The following AGBL1 variants were observed in gnomAD, a reference collection of about 807,000 sequenced individuals.
AGBL1 encodes cytosolic carboxypeptidase 4.
A neutral mutation model predicts 118.9 loss-of-function variants in AGBL1; 130 were observed. The observed-to-expected ratio is 1.09, with a 90% CI of 0.95 to 1.26. The LOEUF is 1.26. Among genes scored for constraint, AGBL1 ranks in the 50% most tolerant of loss-of-function variants. AGBL1 has a pLI of 0.00. For missense variants in AGBL1, 1,584 were observed against 1,298.1 expected, an observed-to-expected ratio of 1.22 and a Z score of -3.38; for synonymous variants, 555 against 478.9, an observed-to-expected ratio of 1.16 and a Z score of -2.08.
chr15:86,682,559 C>G (rs2085979777), intron 22 of AGBL1, among the ~76,000 whole-genome samples: 1 of 152,092 alleles, frequency 6.6e-6, no homozygotes, highest in African/African-American at 2.4e-5. Flanking sequence ...ATAAAAATCT[C>G]TCATTTGATC....
At chr15:86,580,715 C>T (rs1277758629) in intron 21 of AGBL1, among the ~76,000 whole-genome samples, 1 of 152,042 alleles carries the variant, frequency 6.6e-6, no homozygotes. Context: ...TGAGAACATT[C>T]ATAATCCTCT....
intron 21 of AGBL1, among the ~76,000 whole-genome samples, chr15:86,557,147 C>G (rs1344435409): frequency 2.0e-5 from 3 of 152,204 alleles, no homozygotes; most frequent in African/African-American, 7.2e-5. Flanking sequence ...AGATCTATAA[C>G]TTGTATTTAA....
intron 19 of AGBL1, among the ~76,000 whole-genome samples, chr15:86,524,122 A>G (rs1416533698): frequency 1.3e-5 from 2 of 152,278 alleles, no homozygotes; most frequent in Non-Finnish European, 2.9e-5. Flanking sequence ...AATCTTATTT[A>G]AATCTCAAAA....
chr15:86,205,206 C>G (rs191110289), intron 5 of AGBL1, among the ~76,000 whole-genome samples: 4 of 152,266 alleles, frequency 2.6e-5, no homozygotes, highest in Admixed American at 1.3e-4. Context: ...ATCACACATA[C>G]GTAGCTTTTT....
chr15:86,773,353 T>C (rs772761298), intron 22 of AGBL1, among the ~76,000 whole-genome samples: 1 of 151,982 alleles, frequency 6.6e-6, no homozygotes, highest in Non-Finnish European at 1.5e-5. Context: ...TTTAAGTTTC[T>C]CTCTCCGGAA....
Position 86,110,078 on chromosome 15 carries a change from C to T in AGBL1, c.51+30055C>T, listed in dbSNP as rs551616551. 3.2e-4 allele frequency among the ~76,000 whole-genome samples: 48 copies of T among 152,312 alleles called. 1 individual carries two copies. The East Asian group carries it at 3.3e-3, about 10-fold the overall frequency. On this transcript the variant is annotated intron_variant, in intron 1 of 22. Transcript: ENST00000614907. ...CTATGTAAACACATGACTGGGACCC[C>T]GTCAGGTATTGAAAGAATCCCATGC...
chr15:86,936,194 A>G (rs930286733), intron 23 of AGBL1, among the ~76,000 whole-genome samples: 1 of 151,970 alleles, frequency 6.6e-6, no homozygotes, highest in Non-Finnish European at 1.5e-5. Context: ...GTGCTTTTGA[A>G]TGGACAACAA....
Position 86,247,893 on chromosome 15 carries a change from G to A in AGBL1, c.735+14G>A. 6.2e-7 allele frequency: 1 copy of A among 1,613,444 alleles called. No homozygotes were observed. On this transcript the variant is annotated intron_variant, in intron 7 of 22. Coordinates refer to ENST00000614907, the MANE Select transcript of AGBL1 (RefSeq NM_001386094.1). ...AGCACCACACAGGCAGGCAGCATGGGGATTCACTCTGCAGCTGGAGGCCAG... is the reference window on the plus strand; with the variant it reads ...AGCACCACACAGGCAGGCAGCATGGAGATTCACTCTGCAGCTGGAGGCCAG...
rs2080947159 is a variant in AGBL1 at position 86,957,897 on chromosome 15, A to C, written c.3222-30090A>C. Among the ~76,000 whole-genome samples, 3 of 151,998 alleles carry C rather than the reference A, an allele frequency of 2.0e-5. No homozygotes were observed. The South Asian group carries it at 6.2e-4, about 32-fold the overall frequency. On this transcript the variant is annotated intron_variant, in intron 23 of 24. Transcript: ENST00000441037. ...TAAAAAACCTAGTACAGTCAATATA[A>C]CTCTGAACAAAAACATGTTTGAGGC...
chr15:86,929,005 A>G (rs2080576796), intron 23 of AGBL1, among the ~76,000 whole-genome samples: 1 of 152,074 alleles, frequency 6.6e-6, no homozygotes, highest in Non-Finnish European at 1.5e-5. Context: ...ATCATTCCAT[A>G]CTGAAACTCT....
In AGBL1 at chr15:86,106,312, T is replaced by C. The variant is rs148150266; in HGVS notation, c.51+26289T>C. Among the ~76,000 whole-genome samples, 516 of 152,360 alleles carry C rather than the reference T, an allele frequency of 3.4e-3. 21 individuals carry two copies. The South Asian group carries it at 0.08, about 24-fold the overall frequency. ...AAAATGCATTTGGATGTACCCACTG[T>C]ACCTATGATCAAAGCAATTTTCATG... is the stretch of plus-strand genomic sequence containing the variant. On this transcript the variant is annotated intron_variant, in intron 1 of 22. Transcript: ENST00000614907.
intron 5 of AGBL1, among the ~76,000 whole-genome samples, chr15:86,216,165 G>A (rs1289497337): frequency 1.3e-5 from 2 of 152,088 alleles, no homozygotes; most frequent in African/African-American, 2.4e-5. Flanking sequence ...AGATTTTTCT[G>A]TACCCAAGAT....
chr15:86,861,210 C>G (rs1373839452), intron 22 of AGBL1, among the ~76,000 whole-genome samples: 1 of 152,112 alleles, frequency 6.6e-6, no homozygotes, highest in African/African-American at 2.4e-5. Flanking sequence ...TCAAAGGTGT[C>G]TATGATGCAC....
At chr15:86,789,623 CCTGGATTGCCA>C (rs2078463575) in intron 22 of AGBL1, among the ~76,000 whole-genome samples, 1 of 152,294 alleles carries the variant, frequency 6.6e-6, no homozygotes, top group East Asian at 1.9e-4. Context: ...CCCCGGCCAA[CCTGGATTGCCA>C]CAGTGCCCAT....
At chr15:86,831,594 C>T (rs1459496998) in intron 22 of AGBL1, among the ~76,000 whole-genome samples, 1 of 152,212 alleles carries the variant, frequency 6.6e-6, no homozygotes, top group African/African-American at 2.4e-5. Flanking sequence ...GTCTCACATC[C>T]AGGTCATGCT....
chr15:86,196,879 GCACACACACACACA>G (rs59632011), intron 5 of AGBL1, among the ~76,000 whole-genome samples: 120 of 117,016 alleles, frequency 1.0e-3, no homozygotes, highest in Admixed American at 1.6e-3. Context: ...GCGCGCGCGC[GCACACACACACACA>G]CACACACACA....
intron 22 of AGBL1, among the ~76,000 whole-genome samples, chr15:86,783,886 C>G (rs772248681): frequency 2.0e-5 from 3 of 152,196 alleles, no homozygotes; most frequent in African/African-American, 7.2e-5. Flanking sequence ...CCACCTTGGC[C>G]TCCCAAAGTG....
At position 86,674,358 on chromosome 15, in the gene AGBL1, G is replaced by A. The variant is rs781691246; in HGVS notation, c.3080G>A (p.Ser1027Asn). ...GLLILELKSA[S>N]CSHQLLAQAA... Reference sequence around the variant, plus strand: ...CTCATCCTGGAGCTCAAATCTGCCAGCTGCAGCCATCAGCTCCTGGCTCAA... The same window carrying A: ...CTCATCCTGGAGCTCAAATCTGCCAACTGCAGCCATCAGCTCCTGGCTCAA... The change falls in exon 22 of 23, where the codon AGC becomes AAC. Residue 1027 changes from serine to asparagine, a missense_variant. Ser to Asn is a conservative substitution (Grantham distance 46). Coordinates refer to ENST00000614907, the MANE Select transcript of AGBL1 (RefSeq NM_001386094.1). 3 of 1,612,678 alleles carry A rather than the reference G, an allele frequency of 1.9e-6. No homozygotes were observed. Among genetic ancestry groups the A allele is most frequent in the African/African-American group, 2.7e-5 (2 of 74,914 alleles).
At chr15:86,599,938 C>T (rs1169909114) in intron 21 of AGBL1, among the ~76,000 whole-genome samples, 4 of 152,172 alleles carry the variant, frequency 2.6e-5, no homozygotes, top group African/African-American at 9.6e-5. Context: ...TAAAAACCCC[C>T]ATATTGAAAA....
Sources: gnomAD v4.1 joint callset for allele counts (sites outside exome capture counted in the v4.1 genomes callset) on GRCh38, gnomAD v4.1.1 for gene constraint, MANE v1.5 for transcripts, NCBI Gene and HGNC (gene_info 2026-07-23, HGNC 2026-07-21) for gene names.